RPS6KC1: variants seen among roughly 807,000 people sequenced by gnomAD.
RPS6KC1 encodes the protein ribosomal protein S6 kinase C1, also known as inactive ribosomal protein S6 kinase delta-1.
A neutral mutation model predicts 103.8 loss-of-function variants in RPS6KC1; 54 were observed. The observed-to-expected ratio is 0.52, with a 90% CI of 0.42 to 0.65. RPS6KC1 has a LOEUF of 0.65. Ranked by LOEUF, RPS6KC1 falls within the 30% of genes least tolerant of loss-of-function variation. RPS6KC1 has a pLI of 0.00. For synonymous variants in RPS6KC1, 439 were observed against 438.7 expected (o/e 1.00, Z -0.01); for missense variants, 1,151 against 1,253.8 (o/e 0.92, Z 1.24).
the RPS6KC1 span, among the ~76,000 whole-genome samples, chr1:213,565,530 A>T: frequency 6.6e-6 from 1 of 152,244 alleles, no homozygotes; most frequent in Non-Finnish European, 1.5e-5. Flanking sequence ...AATTCCATTT[A>T]TGTGCAACTC....
the RPS6KC1 span, among the ~76,000 whole-genome samples, chr1:213,580,754 T>G: frequency 6.8e-6 from 1 of 147,200 alleles, no homozygotes; most frequent in Non-Finnish European, 1.5e-5. Flanking sequence ...GCTGAGATGA[T>G]TGTTAGCATT....
chr1:213,515,278 G>A, the RPS6KC1 span, among the ~76,000 whole-genome samples: 2 of 152,132 alleles, frequency 1.3e-5, no homozygotes, highest in Non-Finnish European at 2.9e-5. Flanking sequence ...TATTGCTTTT[G>A]GTGTTTTAGA....
chr1:213,415,937 T>C, the RPS6KC1 span, among the ~76,000 whole-genome samples: 2 of 152,356 alleles, frequency 1.3e-5, no homozygotes, highest in East Asian at 1.9e-4. Flanking sequence ...GAATGTGAAC[T>C]ATTTGGGGAT....
the RPS6KC1 span, among the ~76,000 whole-genome samples, chr1:213,745,857 C>T: frequency 2.0e-5 from 3 of 152,136 alleles, no homozygotes; most frequent in African/African-American, 7.2e-5. Flanking sequence ...TACACCACCA[C>T]AAGGAGAGGG....
At chr1:213,068,644 A>G (rs2078570369) in intron 1 of RPS6KC1, among the ~76,000 whole-genome samples, 1 of 151,938 alleles carries the variant, frequency 6.6e-6, no homozygotes, top group Non-Finnish European at 1.5e-5. Flanking sequence ...GTTGTTAGTT[A>G]CCTGTTATAG....
At chr1:213,325,326 A>G in the RPS6KC1 span, among the ~76,000 whole-genome samples, 1 of 152,178 alleles carries the variant, frequency 6.6e-6, no homozygotes, top group Non-Finnish European at 1.5e-5. Context: ...GGTGCTAACT[A>G]CAGCTGTTTA....
chr1:213,259,990 C>T (rs1022684047), intron 12 of RPS6KC1, among the ~76,000 whole-genome samples: 2 of 152,124 alleles, frequency 1.3e-5, no homozygotes, highest in Admixed American at 6.5e-5. Flanking sequence ...CCGCCTGCCT[C>T]AGCCTCCCAA....
chr1:213,538,407 A>T, the RPS6KC1 span, among the ~76,000 whole-genome samples: 2 of 152,126 alleles, frequency 1.3e-5, no homozygotes, highest in Non-Finnish European at 2.9e-5. Context: ...TGGCTTGAGG[A>T]AGACAGGAAA....
At chr1:213,523,481 A>C in the RPS6KC1 span, among the ~76,000 whole-genome samples, 1 of 152,218 alleles carries the variant, frequency 6.6e-6, no homozygotes, top group Admixed American at 6.5e-5. Flanking sequence ...ATGTCTGCAA[A>C]GTACAGTAAA....
At chr1:213,310,478 A>C in the RPS6KC1 span, among the ~76,000 whole-genome samples, 2 of 151,950 alleles carry the variant, frequency 1.3e-5, no homozygotes, top group Admixed American at 6.6e-5. Context: ...TCTTCCCTAG[A>C]TAGCTCCCTT....
At chr1:213,317,809 T>C in the RPS6KC1 span, among the ~76,000 whole-genome samples, 12 of 152,338 alleles carry the variant, frequency 7.9e-5, no homozygotes, top group Admixed American at 1.3e-4. Context: ...TGGTAGCATC[T>C]ACCGGGGGAT....
chr1:213,269,845 T>A (rs1000683453), intron 14 of RPS6KC1, among the ~76,000 whole-genome samples: 1 of 151,008 alleles, frequency 6.6e-6, no homozygotes, highest in African/African-American at 2.4e-5. Flanking sequence ...AGTACAGGAG[T>A]TCAAGACCAG....
the RPS6KC1 span, among the ~76,000 whole-genome samples, chr1:213,743,810 G>A: frequency 1.1e-4 from 16 of 152,164 alleles, 1 homozygote; most frequent in Admixed American, 6.5e-4. Flanking sequence ...GACACAGTTC[G>A]AGTTAGGAAT....
chr1:213,067,787 A>T (rs2078462164), intron 1 of RPS6KC1, among the ~76,000 whole-genome samples: 1 of 152,188 alleles, frequency 6.6e-6, no homozygotes, highest in South Asian at 2.1e-4. Flanking sequence ...GAGAAATAAT[A>T]ATCAAATTGG....
chr1:213,534,629 C>T, the RPS6KC1 span, among the ~76,000 whole-genome samples: 1 of 152,154 alleles, frequency 6.6e-6, no homozygotes, highest in African/African-American at 2.4e-5. Context: ...GTTCCTTCCT[C>T]CCATGGAAAT....
intron 2 of RPS6KC1, 94 bp from the exon 3 acceptor site, chr1:213,077,602 A>G (rs1440682253): frequency 1.4e-6 from 1 of 712,000 alleles, no homozygotes; most frequent in Non-Finnish European, 2.2e-6. Context: ...CCTTTGCATG[A>G]CAATTTTGAA....
the RPS6KC1 span, among the ~76,000 whole-genome samples, chr1:213,416,457 G>A: frequency 6.6e-6 from 1 of 152,244 alleles, no homozygotes; most frequent in Non-Finnish European, 1.5e-5. Context: ...GGCTTGGCCA[G>A]TAAAGGCAGG....
In RPS6KC1 at chr1:213,129,580, G is replaced by A; in HGVS notation, c.526G>A (p.Ala176Thr). The change falls in exon 6 of 15, where the codon GCT becomes ACT. Residue 176 changes from alanine (A) to threonine (T), a missense_variant. Physicochemically the swap from Ala to Thr is moderately conservative, Grantham distance 58 (BLOSUM62 0). Transcript: ENST00000366960. Reference protein sequence around the residue: ...VSLTVDVDSLAELDDGMASNQ... With the variant: ...VSLTVDVDSLTELDDGMASNQ... The stretch of plus-strand genomic sequence containing the variant: ...TCTTACTGTTGATGTGGATTCTCTT[G>A]CTGAGTTAGATGATGGAATGGCTTC... 1 of 1,613,810 alleles carries A rather than the reference G, an allele frequency of 6.2e-7. No homozygotes were observed. The highest frequency in any genetic ancestry group is 8.5e-7 in the Non-Finnish European group (1 of 1,179,798).
At chr1:213,570,301 A>G in the RPS6KC1 span, among the ~76,000 whole-genome samples, 3 of 152,228 alleles carry the variant, frequency 2.0e-5, no homozygotes, top group Admixed American at 2.0e-4. Flanking sequence ...TGTATGTGAA[A>G]TGCCTGGCAC....
Sources: allele counts gnomAD v4.1 joint callset (sites outside exome capture counted in the v4.1 genomes callset), GRCh38; gene constraint gnomAD v4.1.1; transcripts MANE v1.5; gene names NCBI Gene and HGNC (gene_info 2026-07-23, HGNC 2026-07-21).